The following RGSL1 variants were observed in gnomAD, a reference collection of about 807,000 sequenced individuals.
The protein encoded by RGSL1 is regulator of G protein signaling like 1.
RGSL1 carries 97 observed loss-of-function variants against 124.7 expected under a neutral mutation model. The ratio of observed to expected loss-of-function variants is 0.78; its 90% confidence interval spans 0.66 to 0.92. RGSL1 has a LOEUF of 0.92. Among genes scored for constraint, RGSL1 ranks in the 40% least tolerant of loss-of-function variants. RGSL1 has a pLI of 0.00. For missense variants in RGSL1, 1,233 were observed against 1,288.4 expected, an observed-to-expected ratio of 0.96 and a Z score of 0.66; for synonymous variants, 424 against 438.1, an observed-to-expected ratio of 0.97 and a Z score of 0.40.
intron 6 of RGSL1, among the ~76,000 whole-genome samples, chr1:182,484,182 C>A (rs1654918467): frequency 6.6e-6 from 1 of 152,048 alleles, no homozygotes; most frequent in Non-Finnish European, 1.5e-5. Flanking sequence ...TACTATAATT[C>A]TTTTGGCCTG....
In RGSL1 at chr1:182,540,546, CCTT is replaced by C. The variant is rs542503061; in HGVS notation, c.2669+128_2669+130del. On this transcript the variant is annotated intron_variant, in intron 15 of 21. Coordinates refer to ENST00000294854, the MANE Select transcript of RGSL1 (RefSeq NM_001137669.2). Reference sequence around the variant, plus strand: ...TCAGACCTGTCCAGTAAGAGTCTCTCCTTCTGAAAATCTTACTGAATGCTGCCA... The same window carrying C: ...TCAGACCTGTCCAGTAAGAGTCTCTCCTGAAAATCTTACTGAATGCTGCCA... 130 of 726,020 alleles carry C rather than the reference CCTT, an allele frequency of 1.8e-4. No individual in the cohort carries two copies. The African/African-American group carries it at 2.2e-3, about 12-fold the overall frequency. The allele number at this position is 726,020 out of a possible 1,614,324, so 45.0% of individuals were successfully genotyped here. A position where few individuals can be genotyped will look rare whatever the true frequency, so the allele number is the denominator to read the frequency against.
In RGSL1 at chr1:182,553,528, T is replaced by C; in HGVS notation, c.3117T>C (p.Ser1039=). 6.4e-7 allele frequency: 1 copy of C among 1,551,894 alleles called. No homozygotes were observed. The highest frequency in any genetic ancestry group is 1.2e-5 in the South Asian group (1 of 84,038). ...TGCAGCCTCAACGGGAAGCAATAAG[T>C]TCAGTTCAAAATTGTGAGTTGGAAT... ...EWLQPQREAI[S]SVQNSSSSKL... Residue 1039 remains serine (S), a synonymous_variant, in exon 19 of 22, where the codon AGT becomes AGC. Coordinates refer to ENST00000294854, the MANE Select transcript of RGSL1 (RefSeq NM_001137669.2).
intron 19 of RGSL1, 49 bp from the exon 20 acceptor site, chr1:182,554,578 C>G (rs530281636): frequency 2.0e-6 from 3 of 1,506,298 alleles, no homozygotes; most frequent in Non-Finnish European, 2.7e-6. Flanking sequence ...TCAGTGACTG[C>G]GTCTATGTCA....
rs576796184 is a variant in RGSL1, at chr1:182,459,832, C to T, written c.172-172C>T. Among the ~76,000 whole-genome samples, 6 of 152,330 alleles carry T rather than the reference C, an allele frequency of 3.9e-5. No individual in the cohort carries two copies. The South Asian group carries it at 8.3e-4, about 21-fold the overall frequency. On this transcript the variant is annotated intron_variant, in intron 3 of 21. Transcript: ENST00000294854. ...AAGTCTCTGCTCCTCTTTGATACTTCTTTTTCTTAAGTCCAGGTTCCAGGT... is the reference window on the plus strand; with the variant it reads ...AAGTCTCTGCTCCTCTTTGATACTTTTTTTTCTTAAGTCCAGGTTCCAGGT...
chr1:182,482,342 C>G (rs1654769954), intron 6 of RGSL1, among the ~76,000 whole-genome samples: 1 of 152,084 alleles, frequency 6.6e-6, no homozygotes, highest in African/African-American at 2.4e-5. Context: ...GATCCTCATT[C>G]TTGCCCCTCC....
chr1:182,556,238 A>G lies in RGSL1; in HGVS notation c.*165+16A>G. The G allele has an allele frequency of 1.7e-6, 1 of 600,048 alleles. No individual in the cohort carries two copies. The highest frequency in any genetic ancestry group is 2.9e-6 in the Non-Finnish European group (1 of 339,428). The allele number at this position is 600,048 out of a possible 1,614,324, so 37.2% of individuals were successfully genotyped here. ...ACTGCAATGGGTAAGACTTGGGCAG[A>G]GCATGAGAGGAAGCGCATCTTTCCA... On this transcript the variant is annotated intron_variant, in intron 21 of 21. Transcript: ENST00000294854.
At chr1:182,542,172 A>G (rs1419424381) in intron 15 of RGSL1, among the ~76,000 whole-genome samples, 1 of 152,038 alleles carries the variant, frequency 6.6e-6, no homozygotes, top group African/African-American at 2.4e-5. Flanking sequence ...TGTTTCCCCA[A>G]TGTTTTCTTC....
intron 19 of RGSL1, among the ~76,000 whole-genome samples, chr1:182,553,975 A>G (rs1233766340): frequency 2.6e-5 from 4 of 152,146 alleles, no homozygotes; most frequent in African/African-American, 9.7e-5. Context: ...GGCTCCTGCT[A>G]TGAATCTCTT....
At chr1:182,458,893 T>C (rs929733171) in intron 3 of RGSL1, among the ~76,000 whole-genome samples, 1 of 152,148 alleles carries the variant, frequency 6.6e-6, no homozygotes, top group Non-Finnish European at 1.5e-5. Context: ...AGGTCTACAT[T>C]TCTCCTTTTT....
In RGSL1 at chr1:182,527,213, T is replaced by C. The variant is rs932916725; in HGVS notation, c.1932-366T>C. Among the ~76,000 whole-genome samples, 4 of 152,006 alleles carry C rather than the reference T, an allele frequency of 2.6e-5. No homozygotes were observed. In the South Asian group the frequency reaches 8.3e-4, roughly 32 times the overall value. On this transcript the variant is annotated intron_variant, in intron 10 of 21. Transcript: ENST00000294854. Reference sequence around the variant, plus strand: ...GAAAGAAGAAATCAGCAAAGGAAATTTAGAAACATTAATCAAAAACTGCTA... The same window carrying C: ...GAAAGAAGAAATCAGCAAAGGAAATCTAGAAACATTAATCAAAAACTGCTA...
In RGSL1 at chr1:182,474,215, A is replaced by G; in HGVS notation, c.1104A>G (p.Gly368=). The change falls in exon 6 of 22, where the codon GGA becomes GGG. Residue 368 remains glycine (G), a synonymous_variant. Transcript: ENST00000294854. The part of the protein sequence containing the change: ...QKAIKQSFSL[G]YIHLALCADA... Reference sequence around the variant, plus strand: ...CCATCAAGCAAAGCTTCTCCTTAGGATACATCCACTTGGCCTTGTGTGCTG... The same window carrying G: ...CCATCAAGCAAAGCTTCTCCTTAGGGTACATCCACTTGGCCTTGTGTGCTG... The G allele has an allele frequency of 6.4e-7, 1 of 1,551,956 alleles. No homozygotes were observed. The highest frequency in any genetic ancestry group is 8.7e-7 in the Non-Finnish European group (1 of 1,147,034).
intron 6 of RGSL1, among the ~76,000 whole-genome samples, chr1:182,481,745 G>A (rs1302372164): frequency 1.6e-5 from 2 of 123,628 alleles, no homozygotes; most frequent in Non-Finnish European, 3.3e-5. Flanking sequence ...CACTTTGCGA[G>A]GCTGAAGTGG....
intron 10 of RGSL1, among the ~76,000 whole-genome samples, chr1:182,527,080 A>G (rs1343841851): frequency 6.6e-6 from 1 of 152,212 alleles, no homozygotes; most frequent in Admixed American, 6.5e-5. Flanking sequence ...TCATATCAAT[A>G]AAAATTGAAA....
rs532660325 is a variant in RGSL1 at position 182,559,990 on chromosome 1, C to T, written c.*166-289C>T. Among the ~76,000 whole-genome samples the T allele has an allele frequency of 3.3e-5, 5 of 152,316 alleles. No homozygotes were observed. In the East Asian group the frequency reaches 9.6e-4, roughly 29 times the overall value. ...AGAATAGACCAAGAACTATTTTTCA[C>T]CTTACCTAGCACAGTGACATGCAGA... On this transcript the variant is annotated intron_variant, in intron 21 of 21. Transcript: ENST00000294854.
At position 182,548,869 on chromosome 1, in the gene RGSL1, CACTT is replaced by C. The variant is rs1478741795; in HGVS notation, c.2933+47_2933+50del. The C allele has an allele frequency of 3.9e-6, 6 of 1,544,770 alleles. No individual in the cohort carries two copies. The African/African-American group carries it at 8.2e-5, about 21-fold the overall frequency. ...CAGTGACTGTTAGGTCAGGAAAACA[CACTT>C]AGTTTGGAGAGAGTTTTCTGCCTTC... is the stretch of plus-strand genomic sequence containing the variant. On this transcript the variant is annotated intron_variant, in intron 17 of 21. Transcript: ENST00000294854.
intron 16 of RGSL1, 52 bp downstream of exon 16, chr1:182,548,507 C>G (rs10911094): frequency 9.7e-6 from 15 of 1,546,326 alleles, no homozygotes; most frequent in Admixed American, 4.0e-5. Context: ...GCATTTCCCC[C>G]ACAAGGACAA....
chr1:182,519,038 A>G (rs1658133047), intron 9 of RGSL1, among the ~76,000 whole-genome samples: 2 of 148,820 alleles, frequency 1.3e-5, no homozygotes, highest in Admixed American at 1.3e-4. Flanking sequence ...TAATTTCTAT[A>G]TTTTTTCTCT....
At chr1:182,506,528 C>G (rs1238756042) in intron 9 of RGSL1, among the ~76,000 whole-genome samples, 2 of 152,098 alleles carry the variant, frequency 1.3e-5, no homozygotes, top group African/African-American at 4.8e-5. Flanking sequence ...TAGTCTTTGT[C>G]TCCATTTTGA....
At chr1:182,483,566 T>C (rs1483015844) in intron 6 of RGSL1, among the ~76,000 whole-genome samples, 1 of 152,216 alleles carries the variant, frequency 6.6e-6, no homozygotes, top group Non-Finnish European at 1.5e-5. Context: ...AATATACTTG[T>C]ATTATATTTC....
Sources: allele counts gnomAD v4.1 joint callset (sites outside exome capture counted in the v4.1 genomes callset), GRCh38; gene constraint gnomAD v4.1.1; transcripts MANE v1.5; gene names NCBI Gene and HGNC (gene_info 2026-07-23, HGNC 2026-07-21).